The following TRIM14 variants were observed in gnomAD, a reference collection of about 807,000 sequenced individuals.
TRIM14 encodes the protein tripartite motif containing 14, also known as tripartite motif-containing protein 14.
TRIM14 carries 28 observed loss-of-function variants against 44.5 expected under a neutral mutation model. The observed-to-expected ratio is 0.63, with a 90% CI of 0.47 to 0.86. TRIM14 has a LOEUF of 0.86. TRIM14 is among the 40% of genes least tolerant of loss of function. The pLI, the probability that TRIM14 is intolerant of heterozygous loss-of-function variation, is 0.00. For missense variants in TRIM14, 607 were observed against 611.1 expected (o/e 0.99, Z 0.07); for synonymous variants, 299 against 269.2 (o/e 1.11, Z -1.08).
intron 6 of TRIM14, among the ~76,000 whole-genome samples, chr9:98,077,796 T>C (rs1436683714): frequency 6.6e-6 from 1 of 152,212 alleles, no homozygotes; most frequent in Non-Finnish European, 1.5e-5. Context: ...AGACGGACAG[T>C]ACTCTGCCCA....
chr9:98,083,252 C>G (rs367912880), downstream of TRIM14, among the ~76,000 whole-genome samples: 294 of 152,314 alleles, frequency 1.9e-3, no homozygotes, highest in African/African-American at 6.8e-3. Context: ...GTGATGCAAT[C>G]TCTCCTTCAA....
At chr9:98,079,347 T>G (rs1226439618) in intron 6 of TRIM14, among the ~76,000 whole-genome samples, 1 of 152,136 alleles carries the variant, frequency 6.6e-6, no homozygotes, top group African/African-American at 2.4e-5. Context: ...TCTATCTATC[T>G]ATCCACACAT....
At chr9:98,057,250 C>T in the TRIM14 span, among the ~76,000 whole-genome samples, 1 of 152,224 alleles carries the variant, frequency 6.6e-6, no homozygotes, top group Non-Finnish European at 1.5e-5. Flanking sequence ...CTGTGGCTCC[C>T]TCCTGCCCGC....
the TRIM14 span, among the ~76,000 whole-genome samples, chr9:98,048,605 A>G: frequency 6.6e-6 from 1 of 152,236 alleles, no homozygotes; most frequent in Admixed American, 6.5e-5. Context: ...GGAAATAAAA[A>G]CAATTTTGAA....
chr9:98,043,971 C>T, the TRIM14 span, among the ~76,000 whole-genome samples: 1 of 148,680 alleles, frequency 6.7e-6, no homozygotes, highest in Non-Finnish European at 1.5e-5. Context: ...GGTTACTCTT[C>T]TTGTTTTCTC....
At position 98,107,314 on chromosome 9, in the gene TRIM14, T is replaced by C. The variant is rs115765021; in HGVS notation, c.303+2575A>G. 2.7e-3 allele frequency among the ~76,000 whole-genome samples: 415 copies of C among 152,338 alleles called. 1 individual carries two copies. Among genetic ancestry groups the C allele is most frequent in the African/African-American group, 9.4e-3 (389 of 41,566 alleles). On this transcript the variant is annotated intron_variant, in intron 2 of 5. Coordinates refer to ENST00000341469, the MANE Select transcript of TRIM14 (RefSeq NM_014788.4). ...TCTAACACAGATAAATGAAAACTTA[T>C]GTCCGCACAGAAACCTGGACACAAC... is the stretch of plus-strand genomic sequence containing the variant.
the TRIM14 span, among the ~76,000 whole-genome samples, chr9:98,044,320 G>A: frequency 1.3e-5 from 2 of 150,824 alleles, no homozygotes; most frequent in African/African-American, 4.9e-5. Flanking sequence ...TGTGGCCCCC[G>A]GTCACCCAGG....
chr9:98,037,582 C>G, the TRIM14 span, among the ~76,000 whole-genome samples: 20 of 152,216 alleles, frequency 1.3e-4, no homozygotes, highest in African/African-American at 4.3e-4. Flanking sequence ...GTGCCAAGAC[C>G]TGGAGGTGAC....
At chr9:98,049,984 T>G in the TRIM14 span, among the ~76,000 whole-genome samples, 1 of 152,194 alleles carries the variant, frequency 6.6e-6, no homozygotes, top group Non-Finnish European at 1.5e-5. Flanking sequence ...GAGACTCCAG[T>G]GCAGCTTTGT....
the TRIM14 span, among the ~76,000 whole-genome samples, chr9:98,044,654 G>A: frequency 6.6e-6 from 1 of 152,060 alleles, no homozygotes; most frequent in Non-Finnish European, 1.5e-5. Context: ...TTACAGGCAT[G>A]AGCCACCGTG....
chr9:98,092,508 G>A (rs752734501), intron 4 of TRIM14: 51 of 429,486 alleles, frequency 1.2e-4, no homozygotes, highest in African/African-American at 1.0e-3. Flanking sequence ...CTCCGCAGAA[G>A]TGCCTTCCGC....
the TRIM14 span, among the ~76,000 whole-genome samples, chr9:98,045,543 C>T: frequency 3.3e-5 from 5 of 152,162 alleles, no homozygotes; most frequent in Non-Finnish European, 4.4e-5. Context: ...ACCTCACTTC[C>T]GTTTTCTGTA....
chr9:98,073,271 CTTTTTTTTTTTTTTTTTTT>C (rs10606237), intron 6 of TRIM14, among the ~76,000 whole-genome samples: 2 of 57,826 alleles, frequency 3.5e-5, no homozygotes, highest in Non-Finnish European at 5.9e-5. Flanking sequence ...TCACCATGGG[CTTTTTTTTTTTTTTTTTTT>C]TTTTTTTTTT....
chr9:98,109,818 A>G, intron 2 of TRIM14, 71 bp downstream of exon 2: 1 of 1,276,148 alleles, frequency 7.8e-7, no homozygotes, highest in Non-Finnish European at 1.1e-6. Flanking sequence ...TTGGCTCCAT[A>G]TTGGGGGTCC....
downstream of TRIM14, among the ~76,000 whole-genome samples, chr9:98,064,931 AT>A (rs948191746): frequency 6.0e-5 from 9 of 150,472 alleles, no homozygotes; most frequent in African/African-American, 1.9e-4. Flanking sequence ...GTGGGGACAG[AT>A]TTTTTTTTTA....
chr9:98,041,991 T>A, the TRIM14 span, among the ~76,000 whole-genome samples: 1 of 151,430 alleles, frequency 6.6e-6, no homozygotes, highest in African/African-American at 2.4e-5. Flanking sequence ...CCTAAGGACA[T>A]CTTTTAAAAA....
chr9:98,053,167 C>T, the TRIM14 span, among the ~76,000 whole-genome samples: 1 of 152,196 alleles, frequency 6.6e-6, no homozygotes, highest in African/African-American at 2.4e-5. Context: ...ATGCCAAAGC[C>T]TTAGTACTGA....
the TRIM14 span, among the ~76,000 whole-genome samples, chr9:98,042,649 A>T: frequency 6.6e-6 from 1 of 152,166 alleles, no homozygotes; most frequent in Admixed American, 6.6e-5. Flanking sequence ...AGGAGGGCAG[A>T]TCATGAGGTG....
At chr9:98,056,663 G>T in the TRIM14 span, 1 of 1,265,508 alleles carries the variant, frequency 7.9e-7, no homozygotes, top group Non-Finnish European at 1.1e-6. Context: ...GCGGGGCCTA[G>T]GGGATTGGCT....
Sources: allele counts gnomAD v4.1 joint callset (sites outside exome capture counted in the v4.1 genomes callset), GRCh38; gene constraint gnomAD v4.1.1; transcripts MANE v1.5; gene names NCBI Gene and HGNC (gene_info 2026-07-23, HGNC 2026-07-21).